IL1RAPL1: variants seen among roughly 807,000 people sequenced by gnomAD.
IL1RAPL1 encodes interleukin 1 receptor accessory protein like 1.
A neutral mutation model predicts 48.4 loss-of-function variants in IL1RAPL1; 3 were observed. The ratio of observed to expected loss-of-function variants is 0.06; its 90% CI spans 0.03 to 0.16. IL1RAPL1 has a LOEUF of 0.16. Ranked by LOEUF, IL1RAPL1 falls within the 10% of genes least tolerant of loss-of-function variation. The pLI, the probability that IL1RAPL1 is intolerant of heterozygous loss-of-function variation, is 1.00. For missense variants in IL1RAPL1, 349 were observed against 530.6 expected (o/e 0.66, Z 3.36); for synonymous variants, 185 against 187.7 (o/e 0.99, Z 0.12).
intron 6 of IL1RAPL1, among the ~76,000 whole-genome samples, chrX:29,839,196 G>A (rs756899176): frequency 8.9e-6 from 1 of 112,069 alleles, no homozygotes; most frequent in East Asian, 2.8e-4. Context: ...AAGAAACTAT[G>A]AGCCAGTTTC....
chrX:28,674,097 G>A (rs991266583), intron 1 of IL1RAPL1, among the ~76,000 whole-genome samples: 2 of 111,866 alleles, frequency 1.8e-5, no homozygotes, highest in South Asian at 3.7e-4. Flanking sequence ...CAAACAATGC[G>A]ATTGTTTTGT....
intron 2 of IL1RAPL1, among the ~76,000 whole-genome samples, chrX:29,262,977 G>A (rs1003131454): frequency 9.0e-6 from 1 of 111,419 alleles, no homozygotes; most frequent in Non-Finnish European, 1.9e-5. Flanking sequence ...GGATGGCTAT[G>A]TATATAATCC....
chrX:29,387,485 T>C (rs1472293491), intron 3 of IL1RAPL1, among the ~76,000 whole-genome samples: 1 of 112,106 alleles, frequency 8.9e-6, no homozygotes, highest in Non-Finnish European at 1.9e-5. Context: ...CTTACCCAAA[T>C]GTGACTCACA....
At chrX:29,797,013 AC>A (rs1231313335) in intron 6 of IL1RAPL1, among the ~76,000 whole-genome samples, 2 of 112,819 alleles carry the variant, frequency 1.8e-5, no homozygotes, top group Non-Finnish European at 3.7e-5. Flanking sequence ...TACTGTGAGA[AC>A]ATCCTTACCA....
intron 6 of IL1RAPL1, among the ~76,000 whole-genome samples, chrX:29,763,959 T>C (rs1928814349): frequency 9.5e-6 from 1 of 105,588 alleles, no homozygotes. Flanking sequence ...AATTTCTTAA[T>C]ATGCGTGCAT....
Position 29,666,781 on chromosome X carries a change from T to C in IL1RAPL1, c.704-1649T>C, listed in dbSNP as rs1926011474. On this transcript the variant is annotated intron_variant, in intron 5 of 10. Transcript: ENST00000378993. ...CTCTCAGGTGCTTTCTGTAAAAAAC[T>C]GTCAAGTCGTCTACTTGTAACTACA... is the stretch of plus-strand genomic sequence containing the variant. Among the ~76,000 whole-genome samples the C allele has an allele frequency of 3.6e-5, 4 of 111,106 alleles. No homozygotes were observed. In the South Asian group the frequency reaches 1.5e-3, roughly 42 times the overall value.
chrX:29,291,911 C>T (rs1461727017), intron 3 of IL1RAPL1, among the ~76,000 whole-genome samples: 2 of 112,080 alleles, frequency 1.8e-5, no homozygotes, highest in African/African-American at 6.5e-5. Flanking sequence ...GGACAATGTA[C>T]CAAAGATTCT....
At chrX:29,328,314 A>G (rs1171769468) in intron 3 of IL1RAPL1, among the ~76,000 whole-genome samples, 1 of 111,768 alleles carries the variant, frequency 8.9e-6, no homozygotes, top group African/African-American at 3.3e-5. Flanking sequence ...AGAACAATGG[A>G]AAGAGTGGTA....
At chrX:29,537,459 G>T (rs1323795382) in intron 5 of IL1RAPL1, among the ~76,000 whole-genome samples, 1 of 109,688 alleles carries the variant, frequency 9.1e-6, no homozygotes, top group Non-Finnish European at 1.9e-5. Context: ...ATATAAGGAA[G>T]GAATAAATGC....
At chrX:29,355,466 T>G (rs1221540875) in intron 3 of IL1RAPL1, among the ~76,000 whole-genome samples, 1 of 112,474 alleles carries the variant, frequency 8.9e-6, no homozygotes, top group Non-Finnish European at 1.9e-5. Flanking sequence ...TTCTTTCTCA[T>G]GTGCTCCACT....
At chrX:29,401,607 TA>T (rs1208600326) in intron 5 of IL1RAPL1, among the ~76,000 whole-genome samples, 5 of 110,093 alleles carry the variant, frequency 4.5e-5, no homozygotes, top group African/African-American at 1.7e-4. Flanking sequence ...ATATTTTACT[TA>T]ATGAAAATAT....
intron 5 of IL1RAPL1, among the ~76,000 whole-genome samples, chrX:29,502,247 A>G (rs1048562062): frequency 2.7e-5 from 3 of 111,246 alleles, no homozygotes; most frequent in African/African-American, 9.8e-5. Flanking sequence ...TCTAAGTATA[A>G]GATCATATTG....
intron 2 of IL1RAPL1, among the ~76,000 whole-genome samples, chrX:28,801,493 A>T (rs760346236): frequency 9.0e-6 from 1 of 111,614 alleles, no homozygotes; most frequent in African/African-American, 3.2e-5. Flanking sequence ...GTGTATTATA[A>T]TTTTCCACGG....
chrX:29,731,682 G>T (rs955532526), intron 6 of IL1RAPL1, among the ~76,000 whole-genome samples: 1 of 112,410 alleles, frequency 8.9e-6, no homozygotes, highest in Non-Finnish European at 1.9e-5. Flanking sequence ...AGCTGGTCAC[G>T]TGCTCTGACA....
Position 29,804,094 on chromosome X carries a change from TG to T in IL1RAPL1, c.779-113369del, listed in dbSNP as rs751866994. On this transcript the variant is annotated intron_variant, in intron 6 of 10. Transcript: ENST00000378993. Reference sequence around the variant, plus strand: ...ATAAAATCAGACCCTTGATTGACACTGTTCTTTCAATCAGTTTATGAAACAT... The same window carrying T: ...ATAAAATCAGACCCTTGATTGACACTTTCTTTCAATCAGTTTATGAAACAT... 6.2e-3 allele frequency among the ~76,000 whole-genome samples: 697 copies of T among 111,942 alleles called. 7 individuals carry two copies. Among genetic ancestry groups the T allele is most frequent in the African/African-American group, 0.021 (653 of 30,875 alleles).
chrX:29,713,997 A>G (rs1426943991), intron 6 of IL1RAPL1, among the ~76,000 whole-genome samples: 1 of 111,813 alleles, frequency 8.9e-6, no homozygotes. Flanking sequence ...CCCTTAAAAC[A>G]GTGTTGGGTA....
At chrX:29,499,284 A>G (rs1172944334) in intron 5 of IL1RAPL1, among the ~76,000 whole-genome samples, 1 of 112,226 alleles carries the variant, frequency 8.9e-6, no homozygotes, top group African/African-American at 3.2e-5. Context: ...CTTAGGAGTA[A>G]TAACCCATTT....
chrX:28,720,855 G>GT (rs1935566548), intron 1 of IL1RAPL1, among the ~76,000 whole-genome samples: 2 of 111,507 alleles, frequency 1.8e-5, no homozygotes, highest in African/African-American at 6.5e-5. Flanking sequence ...GTGGTGTTTG[G>GT]TTTTTTGTCC....
At chrX:28,937,931 A>C (rs1924060391) in intron 2 of IL1RAPL1, among the ~76,000 whole-genome samples, 1 of 111,274 alleles carries the variant, frequency 9.0e-6, no homozygotes, top group African/African-American at 3.3e-5. Context: ...CCACAAAAAT[A>C]ATGAAATACC....
Sources: gnomAD v4.1 joint callset for allele counts (sites outside exome capture counted in the v4.1 genomes callset) on GRCh38, gnomAD v4.1.1 for gene constraint, MANE v1.5 for transcripts, NCBI Gene and HGNC (gene_info 2026-07-23, HGNC 2026-07-21) for gene names.